The following ATP5PO variants were observed in gnomAD, a reference collection of about 807,000 sequenced individuals.
ATP5PO encodes ATP synthase peripheral stalk subunit OSCP.
ATP5PO carries 14 observed loss-of-function variants against 26.2 expected under a neutral mutation model. The ratio of observed to expected loss-of-function variants is 0.53; its 90% CI spans 0.35 to 0.83. ATP5PO has a LOEUF of 0.83. ATP5PO is among the 40% of genes least tolerant of loss of function. The probability of loss-of-function intolerance (pLI) is 0.01; values close to 1 mark genes in which losing one functional copy is unlikely to be tolerated. For synonymous variants in ATP5PO, 106 were observed against 95.1 expected (o/e 1.12, Z -0.67); for missense variants, 241 against 258.5 (o/e 0.93, Z 0.46).
intron 3 of ATP5PO, among the ~76,000 whole-genome samples, chr21:33,909,743 G>C (rs1602773016): frequency 6.6e-6 from 1 of 152,160 alleles, no homozygotes; most frequent in Non-Finnish European, 1.5e-5. Context: ...AATACTGTAC[G>C]AACTTTCTTA....
Position 33,915,794 on chromosome 21 carries a change from A to C in ATP5PO, c.-31T>G. ...CCCGGGCGGCTGTAGGTCAAACCCG[A>C]GTGGGAAGAGAGAAACGCGCAAGGG... is the stretch of plus-strand genomic sequence containing the variant. On this transcript the variant is annotated 5_prime_UTR_variant, in exon 1 of 7. Transcript: ENST00000290299. 1 of 1,556,266 alleles carries C rather than the reference A, an allele frequency of 6.4e-7. No homozygotes were observed. The highest frequency in any genetic ancestry group is 1.2e-5 in the South Asian group (1 of 84,406).
chr21:33,903,813 C>G (rs550244490), intron 6 of ATP5PO, 122 bp downstream of exon 6: 2 of 1,133,332 alleles, frequency 1.8e-6, no homozygotes, highest in Non-Finnish European at 2.5e-6. Context: ...AAAATAAATA[C>G]AAAATTTTAA....
chr21:33,911,756 TC>T lies in ATP5PO; in HGVS notation c.198+532del, dbSNP rs1987252657. 1.4e-5 allele frequency among the ~76,000 whole-genome samples: 2 copies of T among 146,986 alleles called. 1 individual carries two copies. Among genetic ancestry groups the T allele is most frequent in the South Asian group, 4.4e-4 (2 of 4,524 alleles). ...ATCTCGGCTCACTGCAACCTCGGCTTCCCAGGTTCAAGCAATTCTGCCTCAG... is the reference window on the plus strand; with the variant it reads ...ATCTCGGCTCACTGCAACCTCGGCTTCCAGGTTCAAGCAATTCTGCCTCAG... On this transcript the variant is annotated intron_variant, in intron 3 of 6. Coordinates refer to ENST00000290299, the MANE Select transcript of ATP5PO (RefSeq NM_001697.3).
At position 33,915,800 on chromosome 21, in the gene ATP5PO, A is replaced by AAG. The variant is rs774394655; in HGVS notation, c.-39_-38dup. On this transcript the variant is annotated 5_prime_UTR_variant, in exon 1 of 7. Transcript: ENST00000290299. The stretch of plus-strand genomic sequence containing the variant: ...CGGCTGTAGGTCAAACCCGAGTGGG[A>AAG]AGAGAGAAACGCGCAAGGGCGCACG... The AAG allele has an allele frequency of 5.1e-6, 8 of 1,553,984 alleles. No individual in the cohort carries two copies. The Admixed American group carries it at 7.8e-5, about 15-fold the overall frequency.
At chr21:33,904,087 C>T in intron 5 of ATP5PO, 66 bp from the exon 6 acceptor site, 1 of 1,392,832 alleles carries the variant, frequency 7.2e-7, no homozygotes, top group South Asian at 1.2e-5. Context: ...GTTAAAATAC[C>T]CCAGGCCCAC....
intron 5 of ATP5PO, among the ~76,000 whole-genome samples, chr21:33,905,018 A>G (rs188789736): frequency 2.4e-4 from 37 of 152,242 alleles, no homozygotes; most frequent in African/African-American, 8.9e-4. Flanking sequence ...TGGGGTTACA[A>G]GTGTGAGCCA....
At chr21:33,913,084 A>G (rs942458801) in intron 2 of ATP5PO, among the ~76,000 whole-genome samples, 1 of 152,236 alleles carries the variant, frequency 6.6e-6, no homozygotes, top group African/African-American at 2.4e-5. Flanking sequence ...TCTAGGACTA[A>G]GCTGAGTAAC....
chr21:33,903,905 A>G (rs2834293), intron 6 of ATP5PO, 30 bp downstream of exon 6: 467,067 of 1,555,674 alleles, frequency 0.3, 70,870 homozygotes, highest in African/African-American at 0.39. Context: ...ATAACCCGAG[A>G]AAACGTACCA....
At chr21:33,911,565 A>T (rs1987246993) in intron 3 of ATP5PO, among the ~76,000 whole-genome samples, 1 of 152,174 alleles carries the variant, frequency 6.6e-6, no homozygotes, top group Non-Finnish European at 1.5e-5. Flanking sequence ...CAAGCATAGA[A>T]TATGGCAATT....
chr21:33,904,903 G>A (rs150354378), intron 5 of ATP5PO, among the ~76,000 whole-genome samples: 2,130 of 152,168 alleles, frequency 0.014, 46 homozygotes, highest in African/African-American at 0.049. Context: ...ATCACACCCG[G>A]CTAATTTTTG....
chr21:33,903,810 A>G, intron 6 of ATP5PO, 125 bp downstream of exon 6: 1 of 1,116,734 alleles, frequency 9.0e-7, no homozygotes, highest in Non-Finnish European at 1.3e-6. Flanking sequence ...TTTAAAATAA[A>G]TACAAAATTT....
chr21:33,915,120 C>T (rs1987297217), intron 1 of ATP5PO: 1 of 153,176 alleles, frequency 6.5e-6, no homozygotes, highest in Admixed American at 6.5e-5. Context: ...CTTTTTAATG[C>T]TTATGAAAAA....
At chr21:33,909,277 C>T (rs1011343416) in intron 3 of ATP5PO, 66 bp from the exon 4 acceptor site, 1 of 1,516,612 alleles carries the variant, frequency 6.6e-7, no homozygotes, top group East Asian at 2.3e-5. Flanking sequence ...GCCATGCACA[C>T]ACTTTCTTTC....
intron 2 of ATP5PO, 151 bp downstream of exon 2, chr21:33,914,299 C>A (rs1987285950): frequency 5.0e-6 from 3 of 604,502 alleles, no homozygotes; most frequent in East Asian, 2.9e-5. Context: ...ATTCCTTTCC[C>A]CACCCTATGC....
At position 33,907,434 on chromosome 21, in the gene ATP5PO, A is replaced by G. The variant is rs1223140201; in HGVS notation, c.348T>C (p.Gly116=). ...CGACTCCTTGGGTATTGCTTAATCG[A>G]CCATTTTCAGCAAGCAAATCTGCCA... ...TNLINLLAEN[G]RLSNTQGVVS... Residue 116 remains glycine, a synonymous_variant, in exon 5 of 7, where the codon GGT becomes GGC. Transcript: ENST00000290299. The G allele has an allele frequency of 6.2e-7, 1 of 1,614,098 alleles. No individual in the cohort carries two copies.
At chr21:33,910,186 A>C (rs1987229843) in intron 3 of ATP5PO, among the ~76,000 whole-genome samples, 1 of 152,126 alleles carries the variant, frequency 6.6e-6, no homozygotes, top group African/African-American at 2.4e-5. Context: ...TTCAGTTAAC[A>C]CACCTCTCTA....
intron 4 of ATP5PO, among the ~76,000 whole-genome samples, 168 bp from the exon 5 acceptor site, chr21:33,907,621 T>C (rs1292351600): frequency 1.3e-5 from 2 of 152,162 alleles, no homozygotes; most frequent in Non-Finnish European, 2.9e-5. Context: ...CAAAGATTGC[T>C]TGGGGCCATG....
At chr21:33,907,476 G>GT (rs1569366481) in intron 4 of ATP5PO, 23 bp from the exon 5 acceptor site, 1 of 1,591,108 alleles carries the variant, frequency 6.3e-7, no homozygotes, top group Admixed American at 1.7e-5. Flanking sequence ...AGGTGTCTCA[G>GT]TAACAAGAAA....
chr21:33,911,249 T>C lies in ATP5PO; in HGVS notation c.198+1040A>G, dbSNP rs139874474. Among the ~76,000 whole-genome samples, 156 of 152,316 alleles carry C rather than the reference T, an allele frequency of 1.0e-3. 1 individual carries two copies. Among genetic ancestry groups the C allele is most frequent in the African/African-American group, 3.3e-3 (137 of 41,562 alleles). ...CAGTTACAATGTAGGCTTCTGGTAA[T>C]ACGGTTTATTTATTCTGCTTTTCAT... On this transcript the variant is annotated intron_variant, in intron 3 of 6. Coordinates refer to ENST00000290299, the MANE Select transcript of ATP5PO (RefSeq NM_001697.3).
Sources: gnomAD v4.1 joint callset for allele counts (sites outside exome capture counted in the v4.1 genomes callset) on GRCh38, gnomAD v4.1.1 for gene constraint, MANE v1.5 for transcripts, NCBI Gene and HGNC (gene_info 2026-07-23, HGNC 2026-07-21) for gene names.